GRM8: variants seen among roughly 807,000 people sequenced by gnomAD.
GRM8 encodes glutamate metabotropic receptor 8, also known as metabotropic glutamate receptor 8.
Under a neutral mutation model 87.2 loss-of-function variants are expected in GRM8, and 47 were observed. That is an observed-to-expected ratio of 0.54 (90% CI 0.43 to 0.69). The LOEUF (loss-of-function observed/expected upper bound fraction) is 0.69. GRM8 is among the 30% of genes least tolerant of loss of function. The probability of loss-of-function intolerance (pLI) is 0.00; values close to 1 mark genes in which losing one functional copy is unlikely to be tolerated. For missense variants in GRM8, 1,019 were observed against 1,139.2 expected (o/e 0.89, Z 1.52); for synonymous variants, 396 against 404.5 (o/e 0.98, Z 0.25).
chr7:126,996,132 T>C (rs892411161), intron 3 of GRM8, among the ~76,000 whole-genome samples: 2 of 151,912 alleles, frequency 1.3e-5, no homozygotes, highest in Non-Finnish European at 2.9e-5. Context: ...GAAGGAGAAA[T>C]AAAGACTTTC....
At chr7:126,643,319 AATATATATATATATATATATAT>A (rs1198296006) in intron 7 of GRM8, among the ~76,000 whole-genome samples, 2 of 36,204 alleles carry the variant, frequency 5.5e-5, no homozygotes, top group Admixed American at 4.7e-4. Context: ...AAAAAAAAAA[AATATATATATATATATATATAT>A]ATATATATAT....
At chr7:127,011,586 T>A (rs2132112850) in intron 3 of GRM8, among the ~76,000 whole-genome samples, 1 of 152,316 alleles carries the variant, frequency 6.6e-6, no homozygotes, top group East Asian at 1.9e-4. Context: ...TATTGTGTTC[T>A]AAGGAATAGT....
At chr7:126,583,575 A>C (rs1229769816) in intron 8 of GRM8, among the ~76,000 whole-genome samples, 1 of 152,186 alleles carries the variant, frequency 6.6e-6, no homozygotes, top group Non-Finnish European at 1.5e-5. Flanking sequence ...AGTTTGGAAG[A>C]AGTTGATTCC....
At chr7:126,637,939 A>G (rs1322079261) in intron 7 of GRM8, among the ~76,000 whole-genome samples, 1 of 152,088 alleles carries the variant, frequency 6.6e-6, no homozygotes. Flanking sequence ...TAAATGAAAA[A>G]TCTTCATAAA....
intron 8 of GRM8, among the ~76,000 whole-genome samples, chr7:126,547,812 A>T (rs2150917757): frequency 6.6e-6 from 1 of 152,242 alleles, no homozygotes; most frequent in South Asian, 2.1e-4. Context: ...AAAATATACA[A>T]ACATTAGTTT....
At chr7:126,652,248 G>A (rs1407800552) in intron 7 of GRM8, among the ~76,000 whole-genome samples, 3 of 152,112 alleles carry the variant, frequency 2.0e-5, no homozygotes, top group African/African-American at 7.2e-5. Context: ...TGCATTTCTG[G>A]TTGTACGAAG....
chr7:126,636,664 GT>G (rs920114088), intron 7 of GRM8, among the ~76,000 whole-genome samples: 6 of 150,790 alleles, frequency 4.0e-5, no homozygotes, highest in South Asian at 2.1e-4. Context: ...CATACTTCTA[GT>G]TTTTTTTTCT....
chr7:126,601,110 T>A (rs1797709207), intron 8 of GRM8, among the ~76,000 whole-genome samples: 1 of 128,074 alleles, frequency 7.8e-6, no homozygotes, highest in African/African-American at 3.1e-5. Flanking sequence ...GTCCCCAGAG[T>A]GTGATATTCC....
intron 7 of GRM8, among the ~76,000 whole-genome samples, chr7:126,622,407 A>T (rs879931954): frequency 6.6e-6 from 1 of 151,968 alleles, no homozygotes; most frequent in Admixed American, 6.6e-5. Context: ...CATATCCAAC[A>T]CCTTCCTTCC....
chr7:127,231,796 C>A (rs900866970), intron 2 of GRM8, among the ~76,000 whole-genome samples: 1 of 152,124 alleles, frequency 6.6e-6, no homozygotes, highest in African/African-American at 2.4e-5. Flanking sequence ...GGTTATTCAG[C>A]TGTTCATGCT....
chr7:126,539,809 G>A (rs1013085660), intron 8 of GRM8, among the ~76,000 whole-genome samples: 6 of 151,254 alleles, frequency 4.0e-5, no homozygotes, highest in African/African-American at 1.5e-4. Context: ...ACTCAAAAAG[G>A]ATCCAAGACA....
intron 2 of GRM8, among the ~76,000 whole-genome samples, chr7:127,212,327 T>C (rs1176833587): frequency 6.6e-6 from 1 of 152,130 alleles, no homozygotes; most frequent in African/African-American, 2.4e-5. Context: ...TCTGAGGTTA[T>C]TTGGGTCAAG....
intron 8 of GRM8, among the ~76,000 whole-genome samples, chr7:126,575,967 G>T (rs117357702): frequency 2.0e-5 from 3 of 152,108 alleles, no homozygotes; most frequent in African/African-American, 7.2e-5. Context: ...GAGGCTGATG[G>T]AGGCAACCAC....
At chr7:127,097,761 C>CA (rs991809018) in intron 3 of GRM8, among the ~76,000 whole-genome samples, 101 of 152,248 alleles carry the variant, frequency 6.6e-4, no homozygotes, top group African/African-American at 2.1e-3. Context: ...AGCTTGTTAA[C>CA]AAAATCTCAT....
At chr7:126,995,035 G>T in intron 3 of GRM8, among the ~76,000 whole-genome samples, 1 of 152,186 alleles carries the variant, frequency 6.6e-6, no homozygotes, top group Middle Eastern at 3.2e-3. Flanking sequence ...GCTCCAGGTG[G>T]TTCAGCACAG....
At chr7:127,040,061 A>G (rs1316213305) in intron 3 of GRM8, among the ~76,000 whole-genome samples, 4 of 1,606 alleles carry the variant, frequency 2.5e-3, no homozygotes, top group Non-Finnish European at 3.1e-3. Flanking sequence ...GGAGGAGGGA[A>G]GAAGGGGAGA....
At chr7:126,892,865 A>G (rs1406925521) in intron 6 of GRM8, among the ~76,000 whole-genome samples, 1 of 151,950 alleles carries the variant, frequency 6.6e-6, no homozygotes, top group African/African-American at 2.4e-5. Context: ...TGTGGTTTTG[A>G]TTTGCATTTC....
At chr7:126,691,408 C>A (rs2151372601) in intron 7 of GRM8, among the ~76,000 whole-genome samples, 1 of 152,256 alleles carries the variant, frequency 6.6e-6, no homozygotes, top group Non-Finnish European at 1.5e-5. Context: ...CTTCCCAGGC[C>A]CCCAAAAGTG....
chr7:126,455,520 GCTA>G (rs748516400), intron 9 of GRM8, among the ~76,000 whole-genome samples: 11 of 151,650 alleles, frequency 7.3e-5, no homozygotes, highest in Non-Finnish European at 1.6e-4. Flanking sequence ...TTATTAATCA[GCTA>G]CTTTCTTCAT....
Sources: gnomAD v4.1 joint callset for allele counts (sites outside exome capture counted in the v4.1 genomes callset) on GRCh38, gnomAD v4.1.1 for gene constraint, MANE v1.5 for transcripts, NCBI Gene and HGNC (gene_info 2026-07-23, HGNC 2026-07-21) for gene names.